The following DLC1 variants were observed in gnomAD, a reference collection of about 807,000 sequenced individuals.
The protein encoded by DLC1 is DLC1 Rho GTPase activating protein, also known as rho GTPase-activating protein 7.
Under a neutral mutation model 140.3 loss-of-function variants are expected in DLC1, and 54 were observed. The ratio of observed to expected loss-of-function variants is 0.38; its 90% CI spans 0.31 to 0.48. The LOEUF (loss-of-function observed/expected upper bound fraction) is 0.48, where lower values mean the gene tolerates loss of function less well. DLC1 is among the 20% of genes least tolerant of loss of function. The pLI, the probability that DLC1 is intolerant of heterozygous loss-of-function variation, is 0.96. For synonymous variants in DLC1, 986 were observed against 728.1 expected (o/e 1.35, Z -5.70); for missense variants, 2,536 against 1,907.0 (o/e 1.33, Z -6.14).
intron 10 of DLC1, among the ~76,000 whole-genome samples, chr8:13,097,532 G>C (rs1434346689): frequency 6.6e-6 from 1 of 152,042 alleles, no homozygotes; most frequent in African/African-American, 2.4e-5. Context: ...CCAAAATGCT[G>C]GGATTACAGG....
intron 1 of DLC1, among the ~76,000 whole-genome samples, chr8:13,513,373 T>G (rs943797983): frequency 2.6e-5 from 4 of 152,132 alleles, no homozygotes; most frequent in Non-Finnish European, 4.4e-5. Context: ...TAACACAAAT[T>G]GTCAGTGAAT....
intron 2 of DLC1, among the ~76,000 whole-genome samples, chr8:13,406,474 C>A (rs1473452671): frequency 6.6e-6 from 1 of 152,180 alleles, no homozygotes; most frequent in Non-Finnish European, 1.5e-5. Flanking sequence ...CTTACTCTAA[C>A]TTCTCAGCTT....
chr8:13,585,196 G>T (rs533117913), intron 1 of DLC1, among the ~76,000 whole-genome samples: 2 of 152,278 alleles, frequency 1.3e-5, no homozygotes, highest in African/African-American at 4.8e-5. Flanking sequence ...GATCTTGGCA[G>T]GTATAGGAAA....
At chr8:13,497,928 C>T (rs763231793) in intron 2 of DLC1, among the ~76,000 whole-genome samples, 25 of 152,094 alleles carry the variant, frequency 1.6e-4, no homozygotes, top group Admixed American at 5.9e-4. Flanking sequence ...AACTAACTCA[C>T]GACACATTAC....
chr8:13,299,379 T>A (rs1179311703), intron 5 of DLC1, among the ~76,000 whole-genome samples: 1 of 149,978 alleles, frequency 6.7e-6, no homozygotes, highest in Non-Finnish European at 1.5e-5. Context: ...ACCCAGGAGT[T>A]GGAGGTTGCA....
At chr8:13,371,928 C>G (rs1835748987) in intron 4 of DLC1, among the ~76,000 whole-genome samples, 1 of 152,130 alleles carries the variant, frequency 6.6e-6, no homozygotes, top group African/African-American at 2.4e-5. Context: ...AAAGGATGTT[C>G]ACTACTGAGG....
chr8:13,434,224 A>G (rs1839011915), intron 2 of DLC1, among the ~76,000 whole-genome samples: 1 of 152,192 alleles, frequency 6.6e-6, no homozygotes, highest in Admixed American at 6.5e-5. Context: ...TTAATGCCAT[A>G]CTTTTACAAA....
chr8:13,558,610 C>G (rs1321787520), intron 1 of DLC1: 1 of 152,104 alleles, frequency 6.6e-6, no homozygotes. Context: ...CAATGAGACA[C>G]AAAATCTAAC....
At chr8:13,110,028 G>C (rs961241164) in intron 7 of DLC1, among the ~76,000 whole-genome samples, 5 of 152,132 alleles carry the variant, frequency 3.3e-5, no homozygotes, top group Non-Finnish European at 5.9e-5. Flanking sequence ...TCAGCTTTTA[G>C]GGATTTTAGC....
chr8:13,090,239 G>C lies in DLC1; in HGVS notation c.4074+13C>G. ...CCTGGACTCAACTAGCCGACAACAG[G>C]GTGAAGCCTTACCTTCTTATAGGAC... On this transcript the variant is annotated intron_variant, in intron 15 of 17. Coordinates refer to ENST00000276297, the MANE Select transcript of DLC1 (RefSeq NM_182643.3). The C allele has an allele frequency of 6.2e-7, 1 of 1,611,816 alleles. No homozygotes were observed. Among genetic ancestry groups the C allele is most frequent in the East Asian group, 2.2e-5 (1 of 44,848 alleles).
intron 4 of DLC1, among the ~76,000 whole-genome samples, chr8:13,361,637 A>G (rs1468818307): frequency 1.3e-5 from 2 of 152,090 alleles, no homozygotes; most frequent in Non-Finnish European, 2.9e-5. Context: ...AATGTGTTTA[A>G]AAAGTCCCCT....
At position 13,273,606 on chromosome 8, in the gene DLC1, C is replaced by A. The variant is rs11993810; in HGVS notation, c.1348+31663G>T. Among the ~76,000 whole-genome samples, 845 of 151,514 alleles carry A rather than the reference C, an allele frequency of 5.6e-3. 9 individuals are homozygous for A. Among genetic ancestry groups the A allele is most frequent in the African/African-American group, 0.02 (809 of 41,200 alleles). On this transcript the variant is annotated intron_variant, in intron 5 of 17. Transcript: ENST00000276297. ...AAAATAACAGACAGGCTCCCTGTTT[C>A]GTGTAGAAGGGAGTTTAAGACAAGG... is the stretch of plus-strand genomic sequence containing the variant.
chr8:13,454,641 G>C (rs34650171), intron 2 of DLC1, among the ~76,000 whole-genome samples: 11,809 of 152,142 alleles, frequency 0.078, 618 homozygotes, highest in East Asian at 0.15. Context: ...CTGCAACGTC[G>C]ACCTCTGGGC....
At chr8:13,307,870 G>A (rs1044310658) in intron 4 of DLC1, among the ~76,000 whole-genome samples, 5 of 152,172 alleles carry the variant, frequency 3.3e-5, no homozygotes, top group Non-Finnish European at 5.9e-5. Context: ...GCTGGCCTGT[G>A]AGCCACACTA....
At chr8:13,565,292 GAC>G (rs1351513877) in intron 1 of DLC1, among the ~76,000 whole-genome samples, 1 of 152,128 alleles carries the variant, frequency 6.6e-6, no homozygotes, top group Non-Finnish European at 1.5e-5. Context: ...CATGTTAGAA[GAC>G]ACAGATAGAT....
rs1157544202 is a variant in DLC1 at position 13,095,300 on chromosome 8, C to G, written c.3168-55G>C. 11 of 1,605,146 alleles carry G rather than the reference C, an allele frequency of 6.9e-6. No individual in the cohort carries two copies. The Admixed American group carries it at 1.2e-4, about 17-fold the overall frequency. On this transcript the variant is annotated intron_variant, in intron 10 of 17. Transcript: ENST00000276297. ...GGCGGAGACATGCTCACTTGTCTGTCTACACTTGTCCAATTCTGCAGGCAA... is the reference window on the plus strand; with the variant it reads ...GGCGGAGACATGCTCACTTGTCTGTGTACACTTGTCCAATTCTGCAGGCAA...
At chr8:13,548,727 C>T (rs1229131573) in intron 1 of DLC1, among the ~76,000 whole-genome samples, 2 of 151,924 alleles carry the variant, frequency 1.3e-5, no homozygotes, top group Non-Finnish European at 2.9e-5. Context: ...AGATATATCT[C>T]TAAGACCACC....
intron 5 of DLC1, among the ~76,000 whole-genome samples, chr8:13,141,027 T>A (rs1321024392): frequency 1.3e-5 from 2 of 152,068 alleles, no homozygotes; most frequent in African/African-American, 4.8e-5. Context: ...GGCCGAGGCG[T>A]GTGGATCACG....
At chr8:13,560,289 CTT>C (rs748413901) in intron 1 of DLC1, among the ~76,000 whole-genome samples, 6 of 151,912 alleles carry the variant, frequency 3.9e-5, no homozygotes, top group Non-Finnish European at 5.9e-5. Context: ...TAAAAAAAAA[CTT>C]TCACTTATTT....
Sources: allele counts gnomAD v4.1 joint callset (sites outside exome capture counted in the v4.1 genomes callset), GRCh38; gene constraint gnomAD v4.1.1; transcripts MANE v1.5; gene names NCBI Gene and HGNC (gene_info 2026-07-23, HGNC 2026-07-21).